Variants in RAP1GAP observed in about 807,000 individuals in gnomAD.
RAP1GAP encodes RAP1 GTPase activating protein, also known as rap1 GTPase-activating protein 1.
A neutral mutation model predicts 87.2 loss-of-function variants in RAP1GAP; 35 were observed. The ratio of observed to expected loss-of-function variants is 0.40; its 90% CI spans 0.31 to 0.53. The LOEUF (loss-of-function observed/expected upper bound fraction) is 0.53, where lower values mean the gene tolerates loss of function less well. Among genes scored for constraint, RAP1GAP ranks in the 20% least tolerant of loss-of-function variants. The pLI, the probability that RAP1GAP is intolerant of heterozygous loss-of-function variation, is 0.48. For missense variants in RAP1GAP, 734 were observed against 898.9 expected (o/e 0.82, Z 2.35); for synonymous variants, 375 against 363.9 (o/e 1.03, Z -0.35).
At chr1:21,599,439 CA>C in intron 21 of RAP1GAP, 54 bp downstream of exon 21, 1 of 1,565,886 alleles carries the variant, frequency 6.4e-7, no homozygotes. Context: ...CTCCAGGGAC[CA>C]AAGAGCCCCC....
Position 21,620,067 on chromosome 1 carries a change from G to C in RAP1GAP, c.-18-17C>G. On this transcript the variant is annotated splice_polypyrimidine_tract_variant and intron_variant, in intron 3 of 24. Coordinates refer to ENST00000374765, the MANE Select transcript of RAP1GAP (RefSeq NM_002885.4). Reference sequence around the variant, plus strand: ...ATCTGTGTTCTGCAACAGAGACAGGGGAGAGCGAGGTCAGCTGATCCCGCC... The same window carrying C: ...ATCTGTGTTCTGCAACAGAGACAGGCGAGAGCGAGGTCAGCTGATCCCGCC... 1 of 1,613,660 alleles carries C rather than the reference G, an allele frequency of 6.2e-7. No homozygotes were observed. Among genetic ancestry groups the C allele is most frequent in the African/African-American group, 1.3e-5 (1 of 75,032 alleles).
At chr1:21,628,036 TTCAC>T (rs2092775589) in intron 2 of RAP1GAP, among the ~76,000 whole-genome samples, 1 of 152,186 alleles carries the variant, frequency 6.6e-6, no homozygotes, top group African/African-American at 2.4e-5. Flanking sequence ...CTCATGGGAA[TTCAC>T]TCAATGAAAA....
intron 1 of RAP1GAP, among the ~76,000 whole-genome samples, chr1:21,659,460 G>C (rs1288929796): frequency 3.3e-5 from 5 of 152,006 alleles, no homozygotes; most frequent in African/African-American, 1.2e-4. Context: ...CCCAGCGCCC[G>C]TCCTCGCCCT....
In RAP1GAP at chr1:21,602,788, T is replaced by G. The variant is rs768136891; in HGVS notation, c.1538+16A>C. On this transcript the variant is annotated intron_variant, in intron 19 of 24. Coordinates refer to ENST00000374765, the MANE Select transcript of RAP1GAP (RefSeq NM_002885.4). Reference sequence around the variant, plus strand: ...GGGGATGCAGGGGAATGGGGCACTGTCCCCCACTCACCCACCTCTTCTCCT... The same window carrying G: ...GGGGATGCAGGGGAATGGGGCACTGGCCCCCACTCACCCACCTCTTCTCCT... 3 of 1,593,102 alleles carry G rather than the reference T, an allele frequency of 1.9e-6. No individual in the cohort carries two copies. The highest frequency in any genetic ancestry group is 1.7e-5 in the Admixed American group (1 of 59,722).
At chr1:21,640,283 C>G (rs1267695391) in intron 2 of RAP1GAP, among the ~76,000 whole-genome samples, 1 of 152,152 alleles carries the variant, frequency 6.6e-6, no homozygotes. Flanking sequence ...AGAAGCTGCT[C>G]CGAACCTGAC....
chr1:21,601,632 G>A (rs1033173174), intron 20 of RAP1GAP, 52 bp downstream of exon 20: 4 of 1,394,442 alleles, frequency 2.9e-6, no homozygotes. Context: ...GGGAGGGGAA[G>A]GACGGTTCAC....
At chr1:21,667,281 T>G (rs1282606902) in intron 1 of RAP1GAP, among the ~76,000 whole-genome samples, 1 of 152,180 alleles carries the variant, frequency 6.6e-6, no homozygotes, top group Non-Finnish European at 1.5e-5. Flanking sequence ...TGTGGGAGCC[T>G]GAGGCCTAAG....
In RAP1GAP at chr1:21,636,464, G is replaced by T. The variant is rs144291684; in HGVS notation, c.-112-10067C>A. Among the ~76,000 whole-genome samples the T allele has an allele frequency of 2.3e-3, 347 of 152,290 alleles. 3 individuals carry two copies. Among genetic ancestry groups the T allele is most frequent in the African/African-American group, 8.1e-3 (337 of 41,560 alleles). Reference sequence around the variant, plus strand: ...AGGACTGAGACAAGACTCCTAGGTGGAAGTTGTGAGAAGGTAGAAACGATG... The same window carrying T: ...AGGACTGAGACAAGACTCCTAGGTGTAAGTTGTGAGAAGGTAGAAACGATG... On this transcript the variant is annotated intron_variant, in intron 2 of 24. Coordinates refer to ENST00000374765, the MANE Select transcript of RAP1GAP (RefSeq NM_002885.4).
chr1:21,650,468 C>T (rs934134914), intron 1 of RAP1GAP, among the ~76,000 whole-genome samples: 96 of 152,180 alleles, frequency 6.3e-4, no homozygotes, highest in African/African-American at 2.3e-3. Context: ...TCCTACTGCC[C>T]TCTGAGGGCA....
chr1:21,603,192 G>A lies in RAP1GAP; in HGVS notation c.1429-279C>T, dbSNP rs552766961. 2 of 448,896 alleles carry A rather than the reference G, an allele frequency of 4.5e-6. No homozygotes were observed. The highest frequency in any genetic ancestry group is 4.0e-5 in the African/African-American group (2 of 50,402). The allele number at this position is 448,896 out of a possible 1,614,324, so 27.8% of individuals were successfully genotyped here. On this transcript the variant is annotated intron_variant, in intron 18 of 24. Coordinates refer to ENST00000374765, the MANE Select transcript of RAP1GAP (RefSeq NM_002885.4). The surrounding 1 kb of genome is among the most constrained non-coding windows in gnomAD (Gnocchi z 6.0). ...TCCTGAGGGGGCTAGGGTGGGAGGAGGCCGAGTCCTCAGAATGGCTACCGC... is the reference window on the plus strand; with the variant it reads ...TCCTGAGGGGGCTAGGGTGGGAGGAAGCCGAGTCCTCAGAATGGCTACCGC...
At chr1:21,607,105 G>C (rs549824399) in intron 17 of RAP1GAP, among the ~76,000 whole-genome samples, 33 of 152,340 alleles carry the variant, frequency 2.2e-4, no homozygotes, top group African/African-American at 7.0e-4. Flanking sequence ...GGTTGAGGGT[G>C]AGGTGTGACC....
At chr1:21,651,944 C>T in intron 1 of RAP1GAP, 2 of 847,660 alleles carry the variant, frequency 2.4e-6, no homozygotes, top group Non-Finnish European at 1.4e-6. Context: ...ACGTCCGCGC[C>T]CCAGCGGGCC....
At chr1:21,605,828 G>A (rs1179695839) in intron 18 of RAP1GAP, among the ~76,000 whole-genome samples, 1 of 152,256 alleles carries the variant, frequency 6.6e-6, no homozygotes, top group African/African-American at 2.4e-5. Flanking sequence ...AGGAGGAGGG[G>A]AGGGCCAAGG....
intron 1 of RAP1GAP, among the ~76,000 whole-genome samples, chr1:21,657,020 A>T (rs1324494823): frequency 6.6e-6 from 1 of 152,254 alleles, no homozygotes; most frequent in African/African-American, 2.4e-5. Context: ...CTGGCGATAG[A>T]GTCTGAACAA....
chr1:21,631,151 C>A (rs945555649), intron 2 of RAP1GAP, among the ~76,000 whole-genome samples: 1 of 152,172 alleles, frequency 6.6e-6, no homozygotes, highest in Admixed American at 6.6e-5. Context: ...TCATGGATGT[C>A]CCCCTGGTCT....
rs1057199677 is a variant in RAP1GAP, at chr1:21,669,033, G to T, written c.-149+221C>A. ...ACAGGCTGGGGGTTCAGCCGGCTCA[G>T]TCCAGGCCTCCCCCCACTTCTCCAG... is the stretch of plus-strand genomic sequence containing the variant. On this transcript the variant is annotated intron_variant, in intron 1 of 24. Coordinates refer to ENST00000374765, the MANE Select transcript of RAP1GAP (RefSeq NM_002885.4). The surrounding 1 kb of genome is among the most constrained non-coding windows in gnomAD (Gnocchi z 5.6). Among the ~76,000 whole-genome samples the T allele has an allele frequency of 2.0e-5, 3 of 151,844 alleles. No individual in the cohort carries two copies. Among genetic ancestry groups the T allele is most frequent in the South Asian group, 2.1e-4 (1 of 4,830 alleles).
At position 21,599,214 on chromosome 1, in the gene RAP1GAP, G is replaced by A. The variant is rs190879457; in HGVS notation, c.1776+280C>T. 3.5e-3 allele frequency among the ~76,000 whole-genome samples: 526 copies of A among 152,312 alleles called. 3 individuals are homozygous for A. Among genetic ancestry groups the A allele is most frequent in the African/African-American group, 0.012 (499 of 41,576 alleles). On this transcript the variant is annotated intron_variant, in intron 21 of 24. Transcript: ENST00000374765. ...CCTGGGAGGCTTGGGGGACTGCAAC[G>A]GAGTACAGAATGTCTGAAGTGGTAA...
intron 6 of RAP1GAP, 152 bp downstream of exon 6, chr1:21,617,782 G>A (rs1211233113): frequency 2.7e-6 from 3 of 1,110,728 alleles, no homozygotes; most frequent in South Asian, 1.3e-5. Flanking sequence ...GGTTCAAATG[G>A]GCTCTGAGGC....
In RAP1GAP at chr1:21,597,788, G is replaced by A. The variant is rs1294197381; in HGVS notation, c.1984-60C>T. 16 of 1,592,400 alleles carry A rather than the reference G, an allele frequency of 1.0e-5. No homozygotes were observed. The South Asian group carries it at 1.3e-4, about 13-fold the overall frequency. On this transcript the variant is annotated intron_variant, in intron 23 of 24. Coordinates refer to ENST00000374765, the MANE Select transcript of RAP1GAP (RefSeq NM_002885.4). ...AGACGGGAGAAGCAACGGGGCGGGA[G>A]ACACAGGTGCACAAAGTCACTGGCT...
Sources: allele counts gnomAD v4.1 joint callset (sites outside exome capture counted in the v4.1 genomes callset), GRCh38; gene constraint gnomAD v4.1.1; non-coding constraint Gnocchi (gnomAD v3.1); transcripts MANE v1.5; gene names NCBI Gene and HGNC (gene_info 2026-07-23, HGNC 2026-07-21).